Variants in PDE4D observed in about 807,000 individuals in gnomAD.
PDE4D encodes 3',5'-cyclic-AMP phosphodiesterase 4D.
PDE4D carries 24 observed loss-of-function variants against 87.4 expected under a neutral mutation model. The ratio of observed to expected loss-of-function variants is 0.27; its 90% CI spans 0.20 to 0.39. PDE4D has a LOEUF of 0.39. PDE4D is among the 10% of genes least tolerant of loss of function. The pLI, the probability that PDE4D is intolerant of heterozygous loss-of-function variation, is 1.00. For synonymous variants in PDE4D, 384 were observed against 383.2 expected (o/e 1.00, Z -0.02); for missense variants, 714 against 1,041.0 (o/e 0.69, Z 4.32).
At chr5:60,319,987 G>C (rs577172845) in intron 1 of PDE4D, among the ~76,000 whole-genome samples, 1 of 152,216 alleles carries the variant, frequency 6.6e-6, no homozygotes, top group African/African-American at 2.4e-5. Context: ...CGTGCTGGGA[G>C]AACCACTACT....
intron 1 of PDE4D, among the ~76,000 whole-genome samples, chr5:60,195,350 A>G (rs1454889980): frequency 6.6e-6 from 1 of 151,796 alleles, no homozygotes; most frequent in Non-Finnish European, 1.5e-5. Flanking sequence ...CCTTGAGGTT[A>G]GAAAACATTT....
intron 1 of PDE4D, among the ~76,000 whole-genome samples, chr5:60,261,003 A>C (rs1749588622): frequency 6.6e-6 from 1 of 151,792 alleles, no homozygotes; most frequent in South Asian, 2.1e-4. Flanking sequence ...CATTCTCCTT[A>C]TTTTTCTCAT....
chr5:59,019,623 A>G (rs946838277), intron 6 of PDE4D, among the ~76,000 whole-genome samples: 1 of 151,848 alleles, frequency 6.6e-6, no homozygotes. Flanking sequence ...ACCCCATCCT[A>G]CCCTGCCTTA....
At chr5:59,904,346 C>G (rs1000159215) in intron 3 of PDE4D, among the ~76,000 whole-genome samples, 12 of 152,042 alleles carry the variant, frequency 7.9e-5, no homozygotes, top group African/African-American at 2.4e-4. Flanking sequence ...GAACCAGGAC[C>G]CCAAACTAGA....
chr5:60,081,321 T>C (rs1379537021), intron 2 of PDE4D, among the ~76,000 whole-genome samples: 1 of 124,830 alleles, frequency 8.0e-6, no homozygotes, highest in Non-Finnish European at 1.7e-5. Context: ...TTGTTAGTTT[T>C]TTCAAAAAAA....
At chr5:59,187,790 C>A (rs540100426) in intron 3 of PDE4D, among the ~76,000 whole-genome samples, 2 of 151,934 alleles carry the variant, frequency 1.3e-5, no homozygotes, top group African/African-American at 4.8e-5. Context: ...TTTTCTTTTG[C>A]AGCAGGACAA....
intron 2 of PDE4D, among the ~76,000 whole-genome samples, chr5:59,211,283 C>T (rs926410054): frequency 3.3e-5 from 5 of 152,044 alleles, no homozygotes; most frequent in Non-Finnish European, 5.9e-5. Flanking sequence ...AATTGTGTGA[C>T]GGTCTCTGAG....
At chr5:59,614,363 T>C (rs752672148) in intron 1 of PDE4D, among the ~76,000 whole-genome samples, 11 of 152,240 alleles carry the variant, frequency 7.2e-5, no homozygotes, top group South Asian at 4.1e-4. Flanking sequence ...CTTTGTATTA[T>C]CATAGAAATT....
chr5:59,388,645 ACACT>A (rs1489486816), intron 1 of PDE4D, among the ~76,000 whole-genome samples: 1 of 151,708 alleles, frequency 6.6e-6, no homozygotes, highest in Non-Finnish European at 1.5e-5. Context: ...ACACACACAC[ACACT>A]CACACACTAG....
intron 1 of PDE4D, among the ~76,000 whole-genome samples, chr5:59,500,261 A>G (rs1314509319): frequency 2.0e-5 from 3 of 152,146 alleles, no homozygotes; most frequent in African/African-American, 7.2e-5. Context: ...CTGAGTGTAT[A>G]CCCAAAGGAA....
At chr5:59,039,045 C>T (rs1365046593) in intron 5 of PDE4D, 74 bp from the exon 6 acceptor site, 8 of 1,525,366 alleles carry the variant, frequency 5.2e-6, no homozygotes, top group Non-Finnish European at 7.1e-6. Context: ...CAAAGGGGGC[C>T]ATCCTGCCAT....
intron 5 of PDE4D, among the ~76,000 whole-genome samples, chr5:59,078,159 T>C (rs1766038786): frequency 6.6e-6 from 1 of 152,168 alleles, no homozygotes; most frequent in African/African-American, 2.4e-5. Context: ...TGCACGACAA[T>C]GTTTAGTGTA....
chr5:60,046,057 G>A (rs1397708227), intron 2 of PDE4D, among the ~76,000 whole-genome samples: 1 of 152,114 alleles, frequency 6.6e-6, no homozygotes, highest in East Asian at 1.9e-4. Flanking sequence ...GTGGTTTGTA[G>A]TTCTCCTTGA....
chr5:59,893,291 T>C lies in PDE4D; in HGVS notation c.332A>G (p.Asp111Gly). Reference sequence around the variant, plus strand: ...GCGACAGTACAGGTAGCGCTCGGTGTCCGAGTAGCCGCGATGCCGGACGCG... The same window carrying C: ...GCGACAGTACAGGTAGCGCTCGGTGCCCGAGTAGCCGCGATGCCGGACGCG... ...TGRVRHRGYS[D>G]TERYLYCRAM... The change falls in exon 1 of 15, where the codon GAC becomes GGC. Residue 111 changes from aspartate (D) to glycine (G), a missense_variant. Around this residue, in one of 7 missense-constraint regions of PDE4D, gnomAD observed 268 missense variants for 272.9 expected, o/e 0.98. Transcript: ENST00000340635. The C allele has an allele frequency of 6.5e-7, 1 of 1,541,988 alleles. No homozygotes were observed. The highest frequency in any genetic ancestry group is 8.7e-7 in the Non-Finnish European group (1 of 1,142,962).
chr5:59,415,270 C>A lies in PDE4D; in HGVS notation c.456-199302G>T, dbSNP rs750168992. Among the ~76,000 whole-genome samples, 8 of 152,130 alleles carry A rather than the reference C, an allele frequency of 5.3e-5. No homozygotes were observed. In the East Asian group the frequency reaches 5.8e-4, roughly 11 times the overall value. On this transcript the variant is annotated intron_variant, in intron 1 of 14. Transcript: ENST00000340635. ...AATAGCAATGTCCTGAAGAAAAATA[C>A]GGGATTTTCTTCAGGAGAGCTTCTT...
At chr5:60,362,205 T>G (rs773672315) in intron 1 of PDE4D, among the ~76,000 whole-genome samples, 3 of 152,222 alleles carry the variant, frequency 2.0e-5, no homozygotes, top group African/African-American at 7.2e-5. Flanking sequence ...AAAAGTGTCA[T>G]GAGACCCACC....
At chr5:59,229,165 T>C (rs1445467719) in intron 1 of PDE4D, among the ~76,000 whole-genome samples, 1 of 152,182 alleles carries the variant, frequency 6.6e-6, no homozygotes, top group African/African-American at 2.4e-5. Context: ...AAATCTACTT[T>C]GTTCGTTAAT....
chr5:59,839,685 T>C (rs1351534299), intron 1 of PDE4D, among the ~76,000 whole-genome samples: 1 of 152,038 alleles, frequency 6.6e-6, no homozygotes, highest in Non-Finnish European at 1.5e-5. Flanking sequence ...TAATAGCTCC[T>C]GGCATCACAT....
chr5:59,325,676 C>T (rs191443279), intron 1 of PDE4D, among the ~76,000 whole-genome samples: 5 of 152,138 alleles, frequency 3.3e-5, no homozygotes, highest in Admixed American at 6.6e-5. Flanking sequence ...TGAGATAATT[C>T]GTATAAGGTA....
Sources: allele counts gnomAD v4.1 joint callset (sites outside exome capture counted in the v4.1 genomes callset), GRCh38; gene constraint gnomAD v4.1.1; regional missense constraint gnomAD v4.1.1; transcripts MANE v1.5; gene names NCBI Gene and HGNC (gene_info 2026-07-23, HGNC 2026-07-21).